The following TMEM87A variants were observed in gnomAD, a reference collection of about 807,000 sequenced individuals.
TMEM87A encodes transmembrane protein 87A, also known as Golgi-pH regulating cation channel.
Under a neutral mutation model 90.0 loss-of-function variants are expected in TMEM87A, and 50 were observed. The ratio of observed to expected loss-of-function variants is 0.56; its 90% CI spans 0.44 to 0.70. The LOEUF is 0.70. Among genes scored for constraint, TMEM87A ranks in the 30% least tolerant of loss-of-function variants. TMEM87A has a pLI of 0.00. For missense variants in TMEM87A, 577 were observed against 660.5 expected, an observed-to-expected ratio of 0.87 and a Z score of 1.39; for synonymous variants, 226 against 226.7, an observed-to-expected ratio of 1.00 and a Z score of 0.03.
At chr15:42,226,158 C>T (rs1011524039) in intron 15 of TMEM87A, among the ~76,000 whole-genome samples, 5 of 152,098 alleles carry the variant, frequency 3.3e-5, no homozygotes, top group African/African-American at 7.2e-5. Flanking sequence ...CACCTCCACA[C>T]TCAGTTAATT....
intron 6 of TMEM87A, among the ~76,000 whole-genome samples, chr15:42,252,330 G>A (rs1046555874): frequency 5.9e-5 from 9 of 152,170 alleles, no homozygotes; most frequent in Non-Finnish European, 8.8e-5. Flanking sequence ...CTTCTGTGTC[G>A]ATCACGCTGG....
chr15:42,237,829 G>C (rs1290587386), intron 8 of TMEM87A, among the ~76,000 whole-genome samples: 2 of 151,824 alleles, frequency 1.3e-5, no homozygotes, highest in East Asian at 1.9e-4. Context: ...CGCCTGTCCT[G>C]AATCAATATA....
intron 4 of TMEM87A, among the ~76,000 whole-genome samples, chr15:42,263,562 T>C (rs143186525): frequency 0.014 from 2,184 of 152,252 alleles, 48 homozygotes; most frequent in African/African-American, 0.05. Context: ...CTGGCTAACA[T>C]GGTGAAATCC....
intron 2 of TMEM87A, among the ~76,000 whole-genome samples, chr15:42,269,685 C>G (rs1463622022): frequency 6.6e-6 from 1 of 151,960 alleles, no homozygotes; most frequent in Non-Finnish European, 1.5e-5. Flanking sequence ...GCCTGTAATC[C>G]CAGCACTTTG....
At chr15:42,257,706 A>G (rs2051210079) in intron 6 of TMEM87A, among the ~76,000 whole-genome samples, 2 of 152,212 alleles carry the variant, frequency 1.3e-5, no homozygotes, top group African/African-American at 4.8e-5. Flanking sequence ...CATTATGAAC[A>G]TAACTTTATC....
intron 6 of TMEM87A, among the ~76,000 whole-genome samples, chr15:42,249,378 T>C (rs1035951484): frequency 3.3e-5 from 5 of 152,210 alleles, no homozygotes; most frequent in Admixed American, 1.3e-4. Context: ...GATGTTAGGG[T>C]GTCGATTTTA....
chr15:42,227,468 A>C (rs570737099), intron 14 of TMEM87A: 5 of 412,582 alleles, frequency 1.2e-5, no homozygotes, highest in Admixed American at 1.2e-4. Context: ...TGTAGTTATA[A>C]CTTACAAAAT....
At chr15:42,226,197 G>A (rs1465363185) in intron 15 of TMEM87A, among the ~76,000 whole-genome samples, 4 of 151,726 alleles carry the variant, frequency 2.6e-5, no homozygotes, top group Admixed American at 6.6e-5. Flanking sequence ...ACGGGGTTCC[G>A]CCACGGTGGT....
intron 3 of TMEM87A, among the ~76,000 whole-genome samples, chr15:42,265,937 C>T (rs145659988): frequency 0.012 from 1,835 of 152,224 alleles, 21 homozygotes; most frequent in Middle Eastern, 0.041. Flanking sequence ...ATGGCCAGCA[C>T]GCTACCGCAA....
intron 3 of TMEM87A, 41 bp downstream of exon 3, chr15:42,267,906 C>A: frequency 1.3e-6 from 2 of 1,509,448 alleles, no homozygotes; most frequent in South Asian, 2.3e-5. Context: ...ACCAGATAAT[C>A]ACTAAGGTCC....
At chr15:42,217,779 T>C (rs1229755547) in intron 19 of TMEM87A, 24 bp downstream of exon 19, 18 of 1,610,226 alleles carry the variant, frequency 1.1e-5, no homozygotes, top group Non-Finnish European at 1.4e-5. Context: ...ATACATAATT[T>C]ATGCACGTGA....
chr15:42,232,500 G>A lies in TMEM87A; in HGVS notation c.1062+713C>T, dbSNP rs574638274. Among the ~76,000 whole-genome samples the A allele has an allele frequency of 4.6e-5, 7 of 152,042 alleles. No individual in the cohort carries two copies. In the East Asian group the frequency reaches 1.4e-3, roughly 29 times the overall value. On this transcript the variant is annotated intron_variant, in intron 11 of 19. Transcript: ENST00000389834. ...TTTTTTTTTCTTTTTTTGAGACGGA[G>A]TCTTGCTCTGTCGCCCAGGCTGGAG...
At chr15:42,272,249 G>T in intron 1 of TMEM87A, 126 bp from the exon 2 acceptor site, 1 of 578,854 alleles carries the variant, frequency 1.7e-6, no homozygotes, top group Non-Finnish European at 3.0e-6. Flanking sequence ...CCCTTAATCA[G>T]TTCATTCCCT....
At chr15:42,245,298 AACTT>A (rs1369912850) in intron 6 of TMEM87A, among the ~76,000 whole-genome samples, 2 of 152,146 alleles carry the variant, frequency 1.3e-5, no homozygotes, top group East Asian at 1.9e-4. Context: ...ACCTTTCCTG[AACTT>A]ACTTACTCAT....
chr15:42,212,699 T>C (rs2050312709), intron 19 of TMEM87A, among the ~76,000 whole-genome samples: 1 of 152,216 alleles, frequency 6.6e-6, no homozygotes, highest in Non-Finnish European at 1.5e-5. Flanking sequence ...CATCTTTATT[T>C]TACCCTCATA....
intron 6 of TMEM87A, among the ~76,000 whole-genome samples, chr15:42,255,210 C>T (rs577712182): frequency 9.2e-5 from 14 of 151,900 alleles, no homozygotes; most frequent in East Asian, 3.9e-4. Context: ...CTTGGCTCGC[C>T]GCTACCTCCA....
chr15:42,211,518 T>G lies in TMEM87A; in HGVS notation c.*190A>C. On this transcript the variant is annotated 3_prime_UTR_variant, in exon 20 of 20. Coordinates refer to ENST00000389834, the MANE Select transcript of TMEM87A (RefSeq NM_015497.5). ...AAGAAGCTCGTAGATTTTTCTCATC[T>G]TATGAACTTGTTTTCAGTAAGATGT... The G allele has an allele frequency of 3.5e-6, 2 of 563,648 alleles. No homozygotes were observed. The highest frequency in any genetic ancestry group is 6.3e-6 in the Non-Finnish European group (2 of 319,080). The allele number at this position is 563,648 out of a possible 1,614,324, so 34.9% of individuals were successfully genotyped here. A position where few individuals can be genotyped will look rare whatever the true frequency, so the allele number is the denominator to read the frequency against.
chr15:42,226,668 G>A, intron 15 of TMEM87A, 138 bp downstream of exon 15: 1 of 722,758 alleles, frequency 1.4e-6, no homozygotes, highest in South Asian at 1.8e-5. Context: ...GCTGAGATAG[G>A]AACCCAGTTC....
intron 6 of TMEM87A, among the ~76,000 whole-genome samples, chr15:42,253,708 T>C (rs1053943394): frequency 6.6e-6 from 1 of 152,246 alleles, no homozygotes; most frequent in Non-Finnish European, 1.5e-5. Context: ...ACTTTCTTAA[T>C]GTAATGTAGC....
Sources: allele counts gnomAD v4.1 joint callset (sites outside exome capture counted in the v4.1 genomes callset), GRCh38; gene constraint gnomAD v4.1.1; transcripts MANE v1.5; gene names NCBI Gene and HGNC (gene_info 2026-07-23, HGNC 2026-07-21).